ADGB: variants seen among roughly 807,000 people sequenced by gnomAD.
The protein encoded by ADGB is calpain-7-like protein.
A neutral mutation model predicts 210.5 loss-of-function variants in ADGB; 172 were observed. That is an observed-to-expected ratio of 0.82 (90% CI 0.72 to 0.93). The LOEUF (loss-of-function observed/expected upper bound fraction) is 0.93, where lower values mean the gene tolerates loss of function less well. Among genes scored for constraint, ADGB ranks in the 40% least tolerant of loss-of-function variants. ADGB has a pLI of 0.00. For synonymous variants in ADGB, 658 were observed against 662.7 expected (o/e 0.99, Z 0.11); for missense variants, 2,025 against 1,964.8 (o/e 1.03, Z -0.58).
At chr6:146,800,615 G>A (rs1345086405) in intron 33 of ADGB, among the ~76,000 whole-genome samples, 1 of 151,992 alleles carries the variant, frequency 6.6e-6, no homozygotes, top group Non-Finnish European at 1.5e-5. Flanking sequence ...TGTTCTTGTG[G>A]GCTCGATACT....
chr6:146,666,740 A>G, intron 6 of ADGB, 76 bp from the exon 7 acceptor site: 2 of 867,060 alleles, frequency 2.3e-6, no homozygotes, highest in Admixed American at 4.7e-5. Flanking sequence ...CTGTTTATTA[A>G]TGATTCCTAG....
At chr6:146,720,852 C>T (rs1371142616) in intron 16 of ADGB, among the ~76,000 whole-genome samples, 1 of 152,208 alleles carries the variant, frequency 6.6e-6, no homozygotes, top group Non-Finnish European at 1.5e-5. Flanking sequence ...CACCAGGCCC[C>T]TCCTTCAACG....
intron 1 of ADGB, among the ~76,000 whole-genome samples, chr6:146,630,838 G>A (rs1781054738): frequency 1.3e-5 from 2 of 152,144 alleles, no homozygotes; most frequent in South Asian, 4.1e-4. Flanking sequence ...ACTTTTCACT[G>A]AGACTTGAGT....
chr6:146,702,781 T>G (rs2114546815), intron 13 of ADGB, among the ~76,000 whole-genome samples: 1 of 152,052 alleles, frequency 6.6e-6, no homozygotes, highest in East Asian at 1.9e-4. Flanking sequence ...TTGGGTTGAT[T>G]TTAATCTTTT....
intron 1 of ADGB, among the ~76,000 whole-genome samples, chr6:146,606,792 C>T (rs759689455): frequency 1.3e-5 from 2 of 152,118 alleles, no homozygotes; most frequent in East Asian, 1.9e-4. Flanking sequence ...CATGCTGCTT[C>T]GGTCACTGTA....
In ADGB at chr6:146,672,301, A is replaced by G; in HGVS notation, c.921A>G (p.Glu307=). 6.4e-7 allele frequency: 1 copy of G among 1,551,460 alleles called. No homozygotes were observed. Among genetic ancestry groups the G allele is most frequent in the Non-Finnish European group, 8.7e-7 (1 of 1,146,842 alleles). Reference sequence around the variant, plus strand: ...AGCTGTCAGATGAGGCCAGCTCTGAAAGCAAAATAGCAGTGTTAGATTCTA... The same window carrying G: ...AGCTGTCAGATGAGGCCAGCTCTGAGAGCAAAATAGCAGTGTTAGATTCTA... ...EFKLSDEASS[E]SKIAVLDSKL... is the part of the protein sequence containing the mutation. The change falls in exon 8 of 36, where the codon GAA becomes GAG. Residue 307 remains glutamate, a synonymous_variant. Coordinates refer to ENST00000397944, the MANE Select transcript of ADGB (RefSeq NM_024694.4).
At chr6:146,682,926 C>A (rs541847940) in intron 9 of ADGB, among the ~76,000 whole-genome samples, 2 of 151,932 alleles carry the variant, frequency 1.3e-5, no homozygotes, top group South Asian at 4.2e-4. Flanking sequence ...CTTCTGGAGT[C>A]CATGTGCTAG....
intron 28 of ADGB, among the ~76,000 whole-genome samples, chr6:146,766,130 G>A (rs1777569987): frequency 6.6e-6 from 1 of 152,038 alleles, no homozygotes; most frequent in Admixed American, 6.6e-5. Flanking sequence ...GGGTGGTAGG[G>A]GTGAGGGGGG....
intron 1 of ADGB, among the ~76,000 whole-genome samples, chr6:146,625,916 T>C (rs771107474): frequency 2.0e-5 from 3 of 152,108 alleles, no homozygotes; most frequent in Non-Finnish European, 2.9e-5. Flanking sequence ...TTAATGTGAT[T>C]ATTAATATTG....
chr6:146,642,029 A>C (rs1775524113), intron 2 of ADGB, among the ~76,000 whole-genome samples: 1 of 152,176 alleles, frequency 6.6e-6, no homozygotes, highest in Non-Finnish European at 1.5e-5. Context: ...AATATCCAGT[A>C]TTTATAAGGA....
intron 1 of ADGB, among the ~76,000 whole-genome samples, chr6:146,610,942 G>A (rs927371300): frequency 5.9e-5 from 9 of 152,074 alleles, no homozygotes; most frequent in Non-Finnish European, 1.2e-4. Flanking sequence ...TGGGGTGATG[G>A]GGTCTGCATG....
intron 34 of ADGB, 138 bp from the exon 35 acceptor site, chr6:146,801,689 AT>A (rs1366265062): frequency 1.5e-6 from 1 of 672,206 alleles, no homozygotes; most frequent in Non-Finnish European, 2.3e-6. Context: ...ACAACCATTT[AT>A]TTTTTCTATC....
chr6:146,670,043 C>T (rs1775986863), intron 7 of ADGB, among the ~76,000 whole-genome samples: 1 of 152,068 alleles, frequency 6.6e-6, no homozygotes, highest in South Asian at 2.1e-4. Flanking sequence ...TGGCATCTGT[C>T]AACAGTACAT....
At chr6:146,791,233 C>G (rs1777950129) in intron 33 of ADGB, among the ~76,000 whole-genome samples, 1 of 152,138 alleles carries the variant, frequency 6.6e-6, no homozygotes, top group African/African-American at 2.4e-5. Flanking sequence ...TTTCTGTGCT[C>G]TTAGGATCAT....
chr6:146,613,510 G>A (rs578065143), intron 1 of ADGB, among the ~76,000 whole-genome samples: 5 of 152,224 alleles, frequency 3.3e-5, no homozygotes, highest in South Asian at 2.1e-4. Flanking sequence ...TGAACAGCAT[G>A]CCTTAAGAAA....
At chr6:146,745,862 G>T (rs776764048) in intron 25 of ADGB, 60 bp from the exon 26 acceptor site, 1 of 1,333,094 alleles carries the variant, frequency 7.5e-7, no homozygotes. Context: ...ATTAGATATT[G>T]TACATTCGAT....
intron 23 of ADGB, 35 bp downstream of exon 23, chr6:146,736,626 A>T: frequency 7.0e-7 from 1 of 1,434,302 alleles, no homozygotes; most frequent in Non-Finnish European, 9.5e-7. Flanking sequence ...ATTGCAGTAT[A>T]TTGTCCTTTT....
chr6:146,641,759 A>G (rs1775518549), intron 2 of ADGB, among the ~76,000 whole-genome samples: 1 of 152,094 alleles, frequency 6.6e-6, no homozygotes, highest in African/African-American at 2.4e-5. Context: ...TCAACTCAAG[A>G]TGGAATAAAG....
In ADGB at chr6:146,815,253, GA is replaced by G; in HGVS notation, c.*42del. 1.4e-6 allele frequency: 2 copies of G among 1,424,214 alleles called. No homozygotes were observed. Among genetic ancestry groups the G allele is most frequent in the Non-Finnish European group, 1.8e-6 (2 of 1,088,008 alleles). 88.2% of individuals were successfully genotyped at this position (1,424,214 alleles called of 1,614,324 possible). On this transcript the variant is annotated 3_prime_UTR_variant, in exon 36 of 36. Coordinates refer to ENST00000397944, the MANE Select transcript of ADGB (RefSeq NM_024694.4). Reference sequence around the variant, plus strand: ...TCCAATACTACCCTGCTTCTGGAGAGAAAAAATCTATTTGTAATGATCTTTA... The same window carrying G: ...TCCAATACTACCCTGCTTCTGGAGAGAAAAATCTATTTGTAATGATCTTTA...
Sources: gnomAD v4.1 joint callset for allele counts (sites outside exome capture counted in the v4.1 genomes callset) on GRCh38, gnomAD v4.1.1 for gene constraint, MANE v1.5 for transcripts, NCBI Gene and HGNC (gene_info 2026-07-23, HGNC 2026-07-21) for gene names.